Variants in DCTN4 observed in about 807,000 individuals in gnomAD.
DCTN4 encodes the protein dynactin subunit 4.
In DCTN4, 23 loss-of-function variants were observed where a neutral mutation model predicts 62.7. That is an observed-to-expected ratio of 0.37 (90% CI 0.26 to 0.52). The LOEUF (loss-of-function observed/expected upper bound fraction) is 0.52, where lower values mean the gene tolerates loss of function less well. DCTN4 is among the 20% of genes least tolerant of loss of function. The pLI is 0.92. For missense variants in DCTN4, 514 were observed against 580.4 expected (o/e 0.89, Z 1.18); for synonymous variants, 199 against 202.1 (o/e 0.98, Z 0.13).
chr5:150,723,028 T>G (rs1474872765), intron 8 of DCTN4, 48 bp from the exon 9 acceptor site: 1 of 1,385,052 alleles, frequency 7.2e-7, no homozygotes, highest in South Asian at 1.2e-5. Flanking sequence ...ACAACACACT[T>G]TGTTGATCCA....
At position 150,720,537 on chromosome 5, in the gene DCTN4, G is replaced by A. The variant is rs1303974287; in HGVS notation, c.909-767C>T. On this transcript the variant is annotated intron_variant, in intron 9 of 12. Coordinates refer to ENST00000447998, the MANE Select transcript of DCTN4 (RefSeq NM_016221.4). ...GCTGTCACCCAGGCTGGAGTGTAACGGCACAATCATGACTCACTGAAGCCT... is the reference window on the plus strand; with the variant it reads ...GCTGTCACCCAGGCTGGAGTGTAACAGCACAATCATGACTCACTGAAGCCT... 4.0e-5 allele frequency among the ~76,000 whole-genome samples: 6 copies of A among 149,744 alleles called. No homozygotes were observed. In the South Asian group the frequency reaches 1.0e-3, roughly 26 times the overall value.
rs535427301 is a variant in DCTN4, at chr5:150,729,574, C to G, written c.834+1057G>C. 8.3e-4 allele frequency among the ~76,000 whole-genome samples: 126 copies of G among 151,350 alleles called. 1 individual carries two copies. The highest frequency in any genetic ancestry group is 1.4e-3 in the Non-Finnish European group (94 of 67,896). ...ATAAAGACATTAAAAAACAAACAAACAAAGTACTATCATTATTCCTAAAAA... is the reference window on the plus strand; with the variant it reads ...ATAAAGACATTAAAAAACAAACAAAGAAAGTACTATCATTATTCCTAAAAA... On this transcript the variant is annotated intron_variant, in intron 8 of 12. Coordinates refer to ENST00000447998, the MANE Select transcript of DCTN4 (RefSeq NM_016221.4).
At chr5:150,722,462 G>A (rs1046646457) in intron 9 of DCTN4, among the ~76,000 whole-genome samples, 1 of 152,192 alleles carries the variant, frequency 6.6e-6, no homozygotes, top group Non-Finnish European at 1.5e-5. Flanking sequence ...AAGTCCCAGA[G>A]AGTTAACACT....
At chr5:150,758,339 A>C in intron 1 of DCTN4, 12 of 986,260 alleles carry the variant, frequency 1.2e-5, no homozygotes, top group Non-Finnish European at 1.4e-5. Context: ...TTTTCACATA[A>C]CTCACGCCGC....
chr5:150,730,802 T>C (rs1760332906), intron 7 of DCTN4, 62 bp from the exon 8 acceptor site: 1 of 1,335,696 alleles, frequency 7.5e-7, no homozygotes, highest in South Asian at 1.2e-5. Context: ...GACTTTTATG[T>C]ACCAGTAATT....
At chr5:150,715,698 G>A in intron 11 of DCTN4, 36 bp from the exon 12 acceptor site, 1 of 1,542,164 alleles carries the variant, frequency 6.5e-7, no homozygotes, top group Non-Finnish European at 9.0e-7. Flanking sequence ...CCTGAGAAGG[G>A]ACCAGTGTGA....
chr5:150,717,103 CA>C (rs1265175420), intron 11 of DCTN4, among the ~76,000 whole-genome samples: 7 of 151,800 alleles, frequency 4.6e-5, no homozygotes, highest in African/African-American at 1.7e-4. Flanking sequence ...TTATAAATAT[CA>C]TGCTGAATTA....
At chr5:150,742,060 T>G in intron 4 of DCTN4, 54 bp downstream of exon 4, 1 of 1,504,230 alleles carries the variant, frequency 6.6e-7, no homozygotes, top group Non-Finnish European at 9.3e-7. Context: ...ATCTTCAGTC[T>G]TTTACTCAAT....
intron 7 of DCTN4, 133 bp from the exon 8 acceptor site, chr5:150,730,873 T>C (rs563292405): frequency 1.1e-6 from 1 of 881,514 alleles, no homozygotes; most frequent in African/African-American, 1.7e-5. Context: ...TATAGAAAGT[T>C]GACATTTTAG....
chr5:150,710,012 TG>T lies in DCTN4; in HGVS notation c.*1136del, dbSNP rs1759501161. On this transcript the variant is annotated 3_prime_UTR_variant, in exon 13 of 13. Transcript: ENST00000447998. ...CAAGTCTGCTGTTAGGCCAGAACTG[TG>T]GGCTACTTGCTGAACTATTTTATGG... The T allele has an allele frequency of 6.6e-6, 1 of 152,364 alleles. No individual in the cohort carries two copies. The highest frequency in any genetic ancestry group is 2.4e-5 in the African/African-American group (1 of 41,460). 9.4% of individuals were successfully genotyped at this position (152,364 alleles called of 1,614,324 possible).
chr5:150,724,064 T>C (rs1581572069), intron 8 of DCTN4, among the ~76,000 whole-genome samples: 1 of 152,328 alleles, frequency 6.6e-6, no homozygotes, highest in East Asian at 1.9e-4. Context: ...TAAGACAATT[T>C]CCTAAGAGTA....
At chr5:150,711,799 C>A (rs1411082614) in intron 12 of DCTN4, among the ~76,000 whole-genome samples, 3 of 152,128 alleles carry the variant, frequency 2.0e-5, no homozygotes, top group African/African-American at 7.2e-5. Flanking sequence ...GGATTACGGG[C>A]ATAAGCCAAC....
Position 150,742,130 on chromosome 5 carries a change from T to C in DCTN4, c.413A>G (p.Asn138Ser). 1 of 1,614,092 alleles carries C rather than the reference T, an allele frequency of 6.2e-7. No homozygotes were observed. The highest frequency in any genetic ancestry group is 1.3e-5 in the African/African-American group (1 of 75,056). The change falls in exon 4 of 13, where the codon AAT (asparagine) becomes AGT (serine). Residue 138 changes from asparagine to serine, a missense_variant. By Grantham distance (46) the Asn-to-Ser change is conservative. Coordinates refer to ENST00000447998, the MANE Select transcript of DCTN4 (RefSeq NM_016221.4). ...TTTACTTACCCGTTGTGTGTGAGGATTTTCAGGTTCCTGCCAACCGCCACT... is the reference window on the plus strand; with the variant it reads ...TTTACTTACCCGTTGTGTGTGAGGACTTTCAGGTTCCTGCCAACCGCCACT... ...VASGGWQEPENPHTQRMNKLI... is the reference protein window; with the variant it reads ...VASGGWQEPESPHTQRMNKLI...
At chr5:150,727,332 G>A (rs1253476283) in intron 8 of DCTN4, among the ~76,000 whole-genome samples, 1 of 152,100 alleles carries the variant, frequency 6.6e-6, no homozygotes, top group East Asian at 1.9e-4. Flanking sequence ...TGCTTAATGT[G>A]ATAAACTTCC....
intron 2 of DCTN4, among the ~76,000 whole-genome samples, chr5:150,755,258 G>A (rs546506456): frequency 1.7e-4 from 26 of 152,124 alleles, no homozygotes; most frequent in African/African-American, 5.5e-4. Context: ...AAGAGGAGAA[G>A]AGACAGATCT....
At chr5:150,727,572 C>T (rs1168191801) in intron 8 of DCTN4, among the ~76,000 whole-genome samples, 5 of 151,646 alleles carry the variant, frequency 3.3e-5, no homozygotes, top group Non-Finnish European at 5.9e-5. Flanking sequence ...GTCAGAAGAT[C>T]GAGACCATCC....
At chr5:150,741,803 A>C (rs1208799613) in intron 4 of DCTN4, among the ~76,000 whole-genome samples, 1 of 152,226 alleles carries the variant, frequency 6.6e-6, no homozygotes, top group Non-Finnish European at 1.5e-5. Context: ...TTCTAAGAGT[A>C]TCTGAGAACA....
intron 3 of DCTN4, among the ~76,000 whole-genome samples, chr5:150,743,462 G>A (rs181015862): frequency 5.3e-5 from 8 of 152,196 alleles, no homozygotes; most frequent in African/African-American, 1.9e-4. Flanking sequence ...CTCCCAGCAC[G>A]CAGCTGGAGA....
chr5:150,711,451 T>G, intron 12 of DCTN4, 89 bp from the exon 13 acceptor site: 1 of 1,022,924 alleles, frequency 9.8e-7, no homozygotes. Flanking sequence ...CACCTTATTC[T>G]TTCCTTCAGC....
Sources: allele counts gnomAD v4.1 joint callset (sites outside exome capture counted in the v4.1 genomes callset), GRCh38; gene constraint gnomAD v4.1.1; transcripts MANE v1.5; gene names NCBI Gene and HGNC (gene_info 2026-07-23, HGNC 2026-07-21).